Variants in APBA2 observed in about 807,000 individuals in gnomAD.
APBA2 encodes the protein amyloid-beta A4 precursor protein-binding family A member 2.
In APBA2, 30 loss-of-function variants were observed where a neutral mutation model predicts 75.0. That is an observed-to-expected ratio of 0.40 (90% CI 0.30 to 0.54). APBA2 has a LOEUF of 0.54. APBA2 is among the 20% of genes least tolerant of loss of function. APBA2 has a pLI of 0.49. For missense variants in APBA2, 801 were observed against 1,016.1 expected (o/e 0.79, Z 2.88); for synonymous variants, 444 against 409.6 (o/e 1.08, Z -1.01).
intron 3 of APBA2, among the ~76,000 whole-genome samples, chr15:29,040,193 G>A (rs998913209): frequency 1.3e-5 from 2 of 152,210 alleles, no homozygotes; most frequent in East Asian, 3.9e-4. Context: ...TCTCTGGTTG[G>A]AGGAACCGGT....
At chr15:29,114,581 T>TGC (rs2044945243) in intron 14 of APBA2, among the ~76,000 whole-genome samples, 1 of 151,630 alleles carries the variant, frequency 6.6e-6, no homozygotes, top group South Asian at 2.1e-4. Flanking sequence ...GGTGTGCGTG[T>TGC]GTGTGTGTGT....
At chr15:29,084,766 A>G (rs935348398) in intron 6 of APBA2, among the ~76,000 whole-genome samples, 1 of 152,072 alleles carries the variant, frequency 6.6e-6, no homozygotes, top group Non-Finnish European at 1.5e-5. Context: ...CTGTCTTACA[A>G]ATTTTTGTTG....
At chr15:28,948,280 A>G (rs991775763) in intron 2 of APBA2, among the ~76,000 whole-genome samples, 5 of 152,152 alleles carry the variant, frequency 3.3e-5, no homozygotes, top group Non-Finnish European at 7.4e-5. Context: ...TCTTTCTTGC[A>G]AGACAGAAAT....
At position 28,996,163 on chromosome 15, in the gene APBA2, A is replaced by T. The variant is rs552066433; in HGVS notation, c.-41+357A>T. 1.1e-3 allele frequency among the ~76,000 whole-genome samples: 161 copies of T among 152,202 alleles called. 1 individual carries two copies. Among genetic ancestry groups the T allele is most frequent in the Non-Finnish European group, 2.0e-3 (133 of 68,036 alleles). On this transcript the variant is annotated intron_variant, in intron 3 of 14. Transcript: ENST00000683413. ...ACCAGACTCAGTCATTGATTTGTGT[A>T]ACCCCTACCTAGGTTCCTAGTTACA...
At chr15:29,051,325 G>A (rs975501670) in intron 3 of APBA2, among the ~76,000 whole-genome samples, 11 of 152,118 alleles carry the variant, frequency 7.2e-5, no homozygotes, top group African/African-American at 2.7e-4. Flanking sequence ...TGGGGTGACG[G>A]GCCCTGCAGG....
intron 2 of APBA2, among the ~76,000 whole-genome samples, chr15:28,951,447 G>A (rs1327525980): frequency 6.6e-6 from 1 of 152,158 alleles, no homozygotes; most frequent in Non-Finnish European, 1.5e-5. Context: ...TTGAAGAATG[G>A]TATCTAGAAA....
intron 2 of APBA2, among the ~76,000 whole-genome samples, chr15:28,929,926 G>A (rs1451344240): frequency 6.6e-5 from 10 of 152,162 alleles, no homozygotes; most frequent in Admixed American, 6.5e-4. Context: ...CTTGTATGAG[G>A]AAGTGTAGAT....
intron 6 of APBA2, among the ~76,000 whole-genome samples, chr15:29,087,920 T>C (rs16955052): frequency 0.052 from 7,951 of 152,212 alleles, 478 homozygotes; most frequent in African/African-American, 0.15. Context: ...CTGTCCCTTT[T>C]GCTCGCCCCT....
Position 28,989,625 on chromosome 15 carries a change from C to T in APBA2, c.-94-6128C>T, listed in dbSNP as rs140425161. On this transcript the variant is annotated intron_variant, in intron 2 of 14. Coordinates refer to ENST00000683413, the MANE Select transcript of APBA2 (RefSeq NM_001353788.2). ...TGAACGGAAAACGAAATCCCATCCC[C>T]GCTCCAGGGGGTGCCTGGGAATTGG... 5.1e-3 allele frequency among the ~76,000 whole-genome samples: 772 copies of T among 152,316 alleles called. 7 individuals are homozygous for T. The highest frequency in any genetic ancestry group is 0.034 in the South Asian group (164 of 4,826).
At chr15:28,900,001 G>A (rs543976492) in intron 1 of APBA2, among the ~76,000 whole-genome samples, 14 of 152,268 alleles carry the variant, frequency 9.2e-5, no homozygotes, top group African/African-American at 2.4e-4. Context: ...GTGGAGGGTC[G>A]GAGAGCAGGA....
At chr15:29,076,004 C>A in intron 5 of APBA2, 51 bp from the exon 6 acceptor site, 1 of 1,551,936 alleles carries the variant, frequency 6.4e-7, no homozygotes, top group Non-Finnish European at 8.9e-7. Context: ...ACCTTGTGGG[C>A]TACCTACTTA....
At chr15:28,923,200 C>G (rs1005339241) in intron 2 of APBA2, among the ~76,000 whole-genome samples, 2 of 152,176 alleles carry the variant, frequency 1.3e-5, no homozygotes, top group African/African-American at 4.8e-5. Context: ...ATAGCAGACC[C>G]CTGGCCTCCC....
intron 2 of APBA2, among the ~76,000 whole-genome samples, chr15:28,965,835 C>T (rs1465934995): frequency 1.3e-5 from 2 of 152,156 alleles, no homozygotes; most frequent in Non-Finnish European, 2.9e-5. Context: ...TGAAACCTTA[C>T]TGAACTATAT....
At chr15:28,936,334 T>G (rs1372835145) in intron 2 of APBA2, among the ~76,000 whole-genome samples, 1 of 152,162 alleles carries the variant, frequency 6.6e-6, no homozygotes, top group Non-Finnish European at 1.5e-5. Flanking sequence ...CTTAGGGAGC[T>G]ATGAGCCCCT....
At chr15:28,937,270 C>T (rs548542406) in intron 2 of APBA2, among the ~76,000 whole-genome samples, 2 of 152,128 alleles carry the variant, frequency 1.3e-5, no homozygotes, top group South Asian at 4.2e-4. Context: ...TCCTTGTGGG[C>T]CGGGGGTGCT....
chr15:28,889,028 C>G (rs1160763997), intron 1 of APBA2, among the ~76,000 whole-genome samples: 2 of 152,084 alleles, frequency 1.3e-5, no homozygotes, highest in Admixed American at 1.3e-4. Flanking sequence ...GCTGGGGGTG[C>G]TCTTTGTTCC....
intron 1 of APBA2, among the ~76,000 whole-genome samples, chr15:28,910,188 TTGGTC>T (rs2033363342): frequency 6.6e-6 from 1 of 152,156 alleles, no homozygotes; most frequent in Non-Finnish European, 1.5e-5. Flanking sequence ...TTTGCTTACT[TTGGTC>T]TGAGTAAAAG....
intron 3 of APBA2, among the ~76,000 whole-genome samples, chr15:29,032,250 A>T (rs2040525702): frequency 1.3e-5 from 2 of 152,216 alleles, no homozygotes; most frequent in African/African-American, 4.8e-5. Flanking sequence ...ACCAGTCTGG[A>T]TGTTGCTGGG....
chr15:29,065,779 A>AT (rs2042354344), intron 4 of APBA2, among the ~76,000 whole-genome samples: 1 of 152,184 alleles, frequency 6.6e-6, no homozygotes, highest in Non-Finnish European at 1.5e-5. Context: ...CCCCTCCTCC[A>AT]GTGTCAACAG....
Sources: allele counts gnomAD v4.1 joint callset (sites outside exome capture counted in the v4.1 genomes callset), GRCh38; gene constraint gnomAD v4.1.1; transcripts MANE v1.5; gene names NCBI Gene and HGNC (gene_info 2026-07-23, HGNC 2026-07-21).